The following ZBTB21 variants were observed in gnomAD, a reference collection of about 807,000 sequenced individuals.
ZBTB21 encodes zinc finger and BTB domain-containing protein 21.
In ZBTB21, 10 loss-of-function variants were observed where a neutral mutation model predicts 39.8. The ratio of observed to expected loss-of-function variants is 0.25; its 90% CI spans 0.16 to 0.43. The LOEUF (loss-of-function observed/expected upper bound fraction) is 0.43. Ranked by LOEUF, ZBTB21 falls within the 20% of genes least tolerant of loss-of-function variation. The pLI, the probability that ZBTB21 is intolerant of heterozygous loss-of-function variation, is 1.00. For missense variants in ZBTB21, 1,221 were observed against 1,296.3 expected (o/e 0.94, Z 0.89); for synonymous variants, 551 against 498.8 (o/e 1.10, Z -1.40).
In ZBTB21 at chr21:41,991,491, TAAGGTCTTCGGGAAGAC is replaced by T; in HGVS notation, c.2588_2604del (p.Cys863Ter). 1 of 1,614,196 alleles carries T rather than the reference TAAGGTCTTCGGGAAGAC, an allele frequency of 6.2e-7. No individual in the cohort carries two copies. The highest frequency in any genetic ancestry group is 8.5e-7 in the Non-Finnish European group (1 of 1,180,046). ...TGGATTTTCAGTTGCTTGGAAAGACTAAGGTCTTCGGGAAGACAAGAGGAATCTTCCGAGTCGAAGTT... is the reference window on the plus strand; with the variant it reads ...TGGATTTTCAGTTGCTTGGAAAGACTAAGAGGAATCTTCCGAGTCGAAGTT... On this transcript the variant is annotated frameshift_variant, in exon 3 of 3. Transcript: ENST00000310826. LOFTEE classifies it high-confidence loss of function. This position sits in a 1 kb window ranked among gnomAD's most constrained non-coding sequence, Gnocchi z 4.9.
intron 1 of ZBTB21, among the ~76,000 whole-genome samples, chr21:42,009,915 G>C (rs1274348574): frequency 6.6e-6 from 1 of 152,206 alleles, no homozygotes; most frequent in African/African-American, 2.4e-5. Flanking sequence ...TGGGCCAGGC[G>C]TGTCCCCTAC....
chr21:41,995,001 C>T (rs146926402), intron 2 of ZBTB21, among the ~76,000 whole-genome samples: 27 of 152,314 alleles, frequency 1.8e-4, no homozygotes, highest in African/African-American at 5.8e-4. Context: ...CCTTCCACCA[C>T]GATTAAAAGG....
intron 1 of ZBTB21, among the ~76,000 whole-genome samples, chr21:42,008,347 A>AG (rs1009264511): frequency 1.4e-5 from 2 of 144,176 alleles, no homozygotes; most frequent in African/African-American, 5.4e-5. Context: ...CTCTACAAAA[A>AG]AAAAAAAAAA....
chr21:42,005,296 T>C (rs1173311319), intron 1 of ZBTB21, among the ~76,000 whole-genome samples: 2 of 152,222 alleles, frequency 1.3e-5, no homozygotes, highest in Non-Finnish European at 2.9e-5. Flanking sequence ...TCCTCTCCCC[T>C]ACCTCTGGGC....
chr21:42,002,704 T>G (rs564558261), intron 2 of ZBTB21, 193 bp downstream of exon 2: 73 of 152,340 alleles, frequency 4.8e-4, no homozygotes, highest in African/African-American at 1.7e-3. Flanking sequence ...ACGCCCCTCC[T>G]TTCCACGGCT....
In ZBTB21 at chr21:41,993,792, C is replaced by A; in HGVS notation, c.304G>T (p.Val102Leu). Reference protein sequence around the residue: ...LFVEKSSLAAVQELGYSLGIS... With the variant: ...LFVEKSSLAALQELGYSLGIS... Reference sequence around the variant, plus strand: ...CCAAGACTATAGCCAAGTTCTTGCACAGCAGCAAGGCTGCTCTTCTCAACA... The same window carrying A: ...CCAAGACTATAGCCAAGTTCTTGCAAAGCAGCAAGGCTGCTCTTCTCAACA... The change falls in exon 3 of 3, where the codon GTG becomes TTG. Residue 102 changes from valine (V) to leucine (L), a missense_variant. This residue lies in a region of ZBTB21 where 108 missense variants were observed against 155.0 expected (regional missense o/e 0.70). Coordinates refer to ENST00000310826, the MANE Select transcript of ZBTB21 (RefSeq NM_001098402.2). 2 of 1,614,234 alleles carry A rather than the reference C, an allele frequency of 1.2e-6. No individual in the cohort carries two copies. Among genetic ancestry groups the A allele is most frequent in the Non-Finnish European group, 1.7e-6 (2 of 1,180,046 alleles).
At position 41,988,955 on chromosome 21, in the gene ZBTB21, C is replaced by A. The variant is rs764261704; in HGVS notation, c.*1940G>T. ...CTGTCTTCTTTTGAAGTGACAGCTACCAAGATGGACAGAGTAAGAAATACC... is the reference window on the plus strand; with the variant it reads ...CTGTCTTCTTTTGAAGTGACAGCTAACAAGATGGACAGAGTAAGAAATACC... On this transcript the variant is annotated 3_prime_UTR_variant, in exon 3 of 3. Transcript: ENST00000310826. The A allele has an allele frequency of 2.0e-5, 3 of 151,962 alleles. No individual in the cohort carries two copies. The highest frequency in any genetic ancestry group is 4.4e-5 in the Non-Finnish European group (3 of 67,956). The allele number at this position is 151,962 out of a possible 1,614,324, so 9.4% of individuals were successfully genotyped here.
chr21:42,007,765 A>T (rs769082915), intron 1 of ZBTB21: 1 of 152,294 alleles, frequency 6.6e-6, no homozygotes, highest in South Asian at 2.1e-4. Flanking sequence ...CAAGCTAGGT[A>T]CAGGGCAAAG....
rs762621198 is a variant in ZBTB21, at chr21:41,991,453, C to T, written c.2643G>A (p.Glu881=). 1.2e-6 allele frequency: 2 copies of T among 1,614,008 alleles called. No individual in the cohort carries two copies. Among genetic ancestry groups the T allele is most frequent in the Admixed American group, 1.7e-5 (1 of 59,982 alleles). Residue 881 remains glutamate, a synonymous_variant, in exon 3 of 3, where the codon GAG becomes GAA. Coordinates refer to ENST00000310826, the MANE Select transcript of ZBTB21 (RefSeq NM_001098402.2). This position sits in a 1 kb window ranked among gnomAD's most constrained non-coding sequence, Gnocchi z 4.9. ...CCTCTTCTTCAGCCTCCTCCACAGG[C>T]TCCTCTTTGACTTGGATTTTCAGTT... The part of the protein sequence containing the change: ...SKQLKIQVKE[E]PVEEAEEEAP...
chr21:41,992,187 T>C lies in ZBTB21; in HGVS notation c.1909A>G (p.Ile637Val). 1.9e-6 allele frequency: 3 copies of C among 1,614,214 alleles called. No individual in the cohort carries two copies. Among genetic ancestry groups the C allele is most frequent in the Non-Finnish European group, 1.7e-6 (2 of 1,180,016 alleles). ...REREIKKALI[I>V]KLRRGKPGFQ... ...CCAGGCTTGCCGCGCCTTAACTTAA[T>C]GATCAGGGCCTTCTTAATTTCTCTC... The change falls in exon 3 of 3, where the codon ATT (isoleucine) becomes GTT (valine). Residue 637 changes from isoleucine (I) to valine (V), a missense_variant. Physicochemically the swap from Ile to Val is conservative, Grantham distance 29. Transcript: ENST00000310826. The surrounding 1 kb of genome is among the most constrained non-coding windows in gnomAD (Gnocchi z 4.1).
chr21:41,988,304 A>G lies in ZBTB21; in HGVS notation c.*2591T>C, dbSNP rs2065605044. On this transcript the variant is annotated 3_prime_UTR_variant, in exon 3 of 3. Coordinates refer to ENST00000310826, the MANE Select transcript of ZBTB21 (RefSeq NM_001098402.2). ...GCATAAAAAAGCAGGCATCCTGCAT[A>G]CTTACATGGAATAAAGAGCTTTCTA... is the stretch of plus-strand genomic sequence containing the variant. 1 of 152,256 alleles carries G rather than the reference A, an allele frequency of 6.6e-6. No individual in the cohort carries two copies. Among genetic ancestry groups the G allele is most frequent in the Admixed American group, 6.5e-5 (1 of 15,290 alleles). The allele number at this position is 152,256 out of a possible 1,614,324, so 9.4% of individuals were successfully genotyped here.
At chr21:42,005,231 G>A (rs1205203197) in intron 1 of ZBTB21, among the ~76,000 whole-genome samples, 1 of 152,178 alleles carries the variant, frequency 6.6e-6, no homozygotes, top group Non-Finnish European at 1.5e-5. Context: ...ACAGCCCCAT[G>A]ATTTTGCTAT....
At chr21:42,001,486 T>C (rs375393400) in intron 2 of ZBTB21, among the ~76,000 whole-genome samples, 1 of 152,212 alleles carries the variant, frequency 6.6e-6, no homozygotes, top group Non-Finnish European at 1.5e-5. Flanking sequence ...TTCATCAGCC[T>C]AGTCCAGTAT....
Position 41,991,170 on chromosome 21 carries a change from G to A in ZBTB21, c.2926C>T (p.Pro976Ser). Residue 976 changes from proline to serine, a missense_variant, in exon 3 of 3, where the codon CCT becomes TCT. Physicochemically the swap from Pro to Ser is moderately conservative, Grantham distance 74 (BLOSUM62 -1). Around this residue, in one of 4 missense-constraint regions of ZBTB21, gnomAD observed 523 missense variants for 542.5 expected, o/e 0.96. Transcript: ENST00000310826. The surrounding 1 kb of genome is among the most constrained non-coding windows in gnomAD (Gnocchi z 4.9). Reference protein sequence around the residue: ...ESAHKESEVCPVPTNSPSPPP... With the variant: ...ESAHKESEVCSVPTNSPSPPP... ...GGAGAGGGAGAGTTTGTGGGAACAGGGCACACCTCAGATTCCTTATGTGCC... is the reference window on the plus strand; with the variant it reads ...GGAGAGGGAGAGTTTGTGGGAACAGAGCACACCTCAGATTCCTTATGTGCC... 1.9e-6 allele frequency: 3 copies of A among 1,614,098 alleles called. No homozygotes were observed. The highest frequency in any genetic ancestry group is 1.6e-4 in the Middle Eastern group (1 of 6,062).
Position 41,991,830 on chromosome 21 carries a change from T to C in ZBTB21, c.2266A>G (p.Arg756Gly), listed in dbSNP as rs780395187. 8.7e-6 allele frequency: 14 copies of C among 1,614,228 alleles called. No individual in the cohort carries two copies. The highest frequency in any genetic ancestry group is 1.2e-5 in the Non-Finnish European group (14 of 1,180,042). The change falls in exon 3 of 3, where the codon AGG (arginine) becomes GGG (glycine). Residue 756 changes from arginine to glycine, a missense_variant. Arg to Gly is a moderately radical substitution (Grantham distance 125, BLOSUM62 -2). Coordinates refer to ENST00000310826, the MANE Select transcript of ZBTB21 (RefSeq NM_001098402.2). This position sits in a 1 kb window ranked among gnomAD's most constrained non-coding sequence, Gnocchi z 4.9. ...NAAVCPYCSLRFFSPELKQEH... is the reference protein window; with the variant it reads ...NAAVCPYCSLGFFSPELKQEH... ...TGCTTCAGCTCGGGCGAGAAAAACCTGAGGCTGCAGTAAGGGCAGACGGCC... is the reference window on the plus strand; with the variant it reads ...TGCTTCAGCTCGGGCGAGAAAAACCCGAGGCTGCAGTAAGGGCAGACGGCC...
chr21:42,001,256 G>C (rs1368070984), intron 2 of ZBTB21, among the ~76,000 whole-genome samples: 1 of 152,188 alleles, frequency 6.6e-6, no homozygotes, highest in Non-Finnish European at 1.5e-5. Context: ...ATCATCTTCT[G>C]AACTAGACAG....
chr21:41,991,056 C>T lies in ZBTB21; in HGVS notation c.3040G>A (p.Ala1014Thr). ...PTGLSENPTP[A>T]TEKLFVPQES... ...TGGGGCACAAACAGTTTTTCTGTGG[C>T]TGGAGTTGGGTTTTCGGACAGGCCT... The change falls in exon 3 of 3, where the codon GCC (alanine) becomes ACC (threonine). Residue 1014 changes from alanine to threonine, a missense_variant. This residue lies in a region of ZBTB21 where 523 missense variants were observed against 542.5 expected (regional missense o/e 0.96). Transcript: ENST00000310826. This position sits in a 1 kb window ranked among gnomAD's most constrained non-coding sequence, Gnocchi z 4.9. 1 of 1,590,272 alleles carries T rather than the reference C, an allele frequency of 6.3e-7. No homozygotes were observed. Among genetic ancestry groups the T allele is most frequent in the Non-Finnish European group, 8.6e-7 (1 of 1,168,864 alleles).
chr21:41,992,783 G>A lies in ZBTB21; in HGVS notation c.1313C>T (p.Ser438Leu), dbSNP rs565521840. Residue 438 changes from serine to leucine, a missense_variant, in exon 3 of 3, where the codon TCG becomes TTG. By Grantham distance (145) the Ser-to-Leu change is moderately radical (BLOSUM62 -2). This residue lies in a region of ZBTB21 where 500 missense variants were observed against 465.6 expected (regional missense o/e 1.07). Coordinates refer to ENST00000310826, the MANE Select transcript of ZBTB21 (RefSeq NM_001098402.2). The surrounding 1 kb of genome is among the most constrained non-coding windows in gnomAD (Gnocchi z 4.1). ...RIKTEPSSPL[S>L]DPSDIIRVTV... Reference sequence around the variant, plus strand: ...GACGCGGATGATGTCCGAGGGGTCCGACAGCGGGCTGCTGGGCTCAGTCTT... The same window carrying A: ...GACGCGGATGATGTCCGAGGGGTCCAACAGCGGGCTGCTGGGCTCAGTCTT... The A allele has an allele frequency of 6.8e-5, 110 of 1,614,038 alleles. 1 individual carries two copies. The Admixed American group carries it at 9.0e-4, about 13-fold the overall frequency.
At position 42,010,300 on chromosome 21, in the gene ZBTB21, G is replaced by C; in HGVS notation, c.-127C>G. Reference sequence around the variant, plus strand: ...GCCGGGCCCCTTTCCGCTCACACTCGGCTCGCGCGCGCCGCAGCCGCCGCT... The same window carrying C: ...GCCGGGCCCCTTTCCGCTCACACTCCGCTCGCGCGCGCCGCAGCCGCCGCT... On this transcript the variant is annotated 5_prime_UTR_variant, in exon 1 of 3. Transcript: ENST00000310826. 2.5e-6 allele frequency: 1 copy of C among 398,538 alleles called. No individual in the cohort carries two copies. Among genetic ancestry groups the C allele is most frequent in the Non-Finnish European group, 4.4e-6 (1 of 226,038 alleles). The allele number at this position is 398,538 out of a possible 1,614,324, so 24.7% of individuals were successfully genotyped here. A position where few individuals can be genotyped will look rare whatever the true frequency, so the allele number is the denominator to read the frequency against.
Sources: allele counts gnomAD v4.1 joint callset (sites outside exome capture counted in the v4.1 genomes callset), GRCh38; gene constraint gnomAD v4.1.1; regional missense constraint gnomAD v4.1.1; non-coding constraint Gnocchi (gnomAD v3.1); transcripts MANE v1.5; gene names NCBI Gene and HGNC (gene_info 2026-07-23, HGNC 2026-07-21).